KIAA1217: variants seen among roughly 807,000 people sequenced by gnomAD.
KIAA1217 encodes the protein KIAA1217.
KIAA1217 carries 88 observed loss-of-function variants against 163.9 expected under a neutral mutation model. The ratio of observed to expected loss-of-function variants is 0.54; its 90% CI spans 0.45 to 0.64. The LOEUF (loss-of-function observed/expected upper bound fraction) is 0.64, where lower values mean the gene tolerates loss of function less well. Ranked by LOEUF, KIAA1217 falls within the 30% of genes least tolerant of loss-of-function variation. The probability of loss-of-function intolerance (pLI) is 0.00; values close to 1 mark genes in which losing one functional copy is unlikely to be tolerated. For synonymous variants in KIAA1217, 903 were observed against 923.1 expected, an observed-to-expected ratio of 0.98 and a Z score of 0.39; for missense variants, 2,372 against 2,475.0, an observed-to-expected ratio of 0.96 and a Z score of 0.88.
At chr10:24,273,633 C>T (rs1306991808) in intron 2 of KIAA1217, among the ~76,000 whole-genome samples, 2 of 152,004 alleles carry the variant, frequency 1.3e-5, no homozygotes. Flanking sequence ...GGGTGGATCA[C>T]CTGAGGTCAG....
At chr10:24,432,931 C>T (rs989867824) in intron 3 of KIAA1217, 64 bp from the exon 4 acceptor site, 2 of 1,339,288 alleles carry the variant, frequency 1.5e-6, no homozygotes, top group Non-Finnish European at 2.1e-6. Flanking sequence ...AGAAGTGGCT[C>T]AGCTTGTGCT....
intron 8 of KIAA1217, among the ~76,000 whole-genome samples, chr10:24,500,242 C>G (rs2067376629): frequency 6.8e-6 from 1 of 147,272 alleles, no homozygotes; most frequent in Non-Finnish European, 1.5e-5. Flanking sequence ...ATGGATCCAG[C>G]CTCTACTCCA....
chr10:24,199,492 G>A (rs1303474211), intron 2 of KIAA1217, among the ~76,000 whole-genome samples: 1 of 152,216 alleles, frequency 6.6e-6, no homozygotes, highest in Non-Finnish European at 1.5e-5. Context: ...AACATGAGCT[G>A]TGGCGGGGAC....
At chr10:23,799,161 C>CT (rs1836350579) in intron 1 of KIAA1217, among the ~76,000 whole-genome samples, 1 of 152,086 alleles carries the variant, frequency 6.6e-6, no homozygotes, top group African/African-American at 2.4e-5. Context: ...TGTTTTCTTT[C>CT]TTTTTTACAA....
At chr10:23,834,193 C>A (rs542375795) in intron 1 of KIAA1217, among the ~76,000 whole-genome samples, 7 of 152,116 alleles carry the variant, frequency 4.6e-5, no homozygotes, top group Non-Finnish European at 1.0e-4. Flanking sequence ...TATCTGCTCA[C>A]CCCTGGGCTC....
At chr10:24,345,726 T>A (rs11014043) in intron 2 of KIAA1217, among the ~76,000 whole-genome samples, 3,294 of 152,284 alleles carry the variant, frequency 0.022, 113 homozygotes, top group East Asian at 0.15. Context: ...AGTTGGTGAT[T>A]TTTTTTGGGT....
At chr10:23,836,789 G>C (rs927075374) in intron 1 of KIAA1217, among the ~76,000 whole-genome samples, 2 of 151,906 alleles carry the variant, frequency 1.3e-5, no homozygotes, top group Admixed American at 1.3e-4. Context: ...AATTAGCCGT[G>C]TATGGTAGCA....
chr10:23,992,714 G>C (rs369817409), intron 1 of KIAA1217, among the ~76,000 whole-genome samples: 1 of 150,310 alleles, frequency 6.7e-6, no homozygotes, highest in Admixed American at 6.6e-5. Flanking sequence ...TTGACACAGG[G>C]CCCCTAACAC....
chr10:24,439,454 G>A (rs192852484), intron 5 of KIAA1217, among the ~76,000 whole-genome samples: 2 of 152,288 alleles, frequency 1.3e-5, no homozygotes, highest in African/African-American at 4.8e-5. Context: ...TCCTGAGCGA[G>A]GCTGTCTCTG....
At chr10:24,479,182 T>TTG (rs1349447439) in intron 6 of KIAA1217, among the ~76,000 whole-genome samples, 1 of 152,232 alleles carries the variant, frequency 6.6e-6, no homozygotes, top group Non-Finnish European at 1.5e-5. Flanking sequence ...ACATGGCAAC[T>TTG]GGCAGCTTGT....
At chr10:24,538,568 G>C (rs1379534218) in intron 17 of KIAA1217, among the ~76,000 whole-genome samples, 1 of 67,820 alleles carries the variant, frequency 1.5e-5, no homozygotes, top group African/African-American at 4.8e-5. Context: ...GAGGGAGGGA[G>C]GAAGGAAGGA....
intron 1 of KIAA1217, among the ~76,000 whole-genome samples, chr10:23,903,829 G>A (rs549407010): frequency 9.2e-5 from 14 of 152,148 alleles, no homozygotes; most frequent in Middle Eastern, 6.8e-3. Flanking sequence ...TCTAGCCCTG[G>A]CACTTGGGAA....
At position 23,933,387 on chromosome 10, in the gene KIAA1217, C is replaced by T. The variant is rs569796770; in HGVS notation, c.-320-73838C>T. 2.2e-4 allele frequency among the ~76,000 whole-genome samples: 33 copies of T among 152,290 alleles called. 1 individual carries two copies. In the South Asian group the frequency reaches 4.1e-3, roughly 19 times the overall value. ...CAGGACGTGCTCCTGGCTAGGTGACCAGTCACTGCTCCTAGAGCAGGGCTC... is the reference window on the plus strand; with the variant it reads ...CAGGACGTGCTCCTGGCTAGGTGACTAGTCACTGCTCCTAGAGCAGGGCTC... On this transcript the variant is annotated intron_variant, in intron 1 of 18. Transcript: ENST00000376462.
At chr10:23,977,696 T>C (rs1369395847) in intron 1 of KIAA1217, among the ~76,000 whole-genome samples, 1 of 152,240 alleles carries the variant, frequency 6.6e-6, no homozygotes, top group East Asian at 1.9e-4. Flanking sequence ...AAGATTTCAT[T>C]GCCCAGCTCT....
At chr10:23,855,353 T>C (rs1839596892) in intron 1 of KIAA1217, among the ~76,000 whole-genome samples, 2 of 152,220 alleles carry the variant, frequency 1.3e-5, no homozygotes, top group South Asian at 4.1e-4. Context: ...CCTACTCTCT[T>C]CTGGCTTGTA....
chr10:23,959,905 A>C (rs1181766091), intron 1 of KIAA1217, among the ~76,000 whole-genome samples: 3 of 147,122 alleles, frequency 2.0e-5, no homozygotes, highest in Non-Finnish European at 4.5e-5. Context: ...GGAAGGTCAT[A>C]GACTTCTTTT....
chr10:24,019,679 C>T (rs547214306), intron 2 of KIAA1217, among the ~76,000 whole-genome samples: 1 of 152,042 alleles, frequency 6.6e-6, no homozygotes, highest in African/African-American at 2.4e-5. Context: ...AGCCCGGCTA[C>T]ATTCTAAGAA....
At chr10:24,196,197 T>G (rs1406849516) in intron 2 of KIAA1217, among the ~76,000 whole-genome samples, 1 of 150,744 alleles carries the variant, frequency 6.6e-6, no homozygotes, top group African/African-American at 2.5e-5. Context: ...GGAGCATACT[T>G]ACATTAAAGG....
intron 2 of KIAA1217, among the ~76,000 whole-genome samples, chr10:24,099,562 A>G (rs1409239169): frequency 7.2e-6 from 1 of 138,726 alleles, no homozygotes; most frequent in Non-Finnish European, 1.5e-5. Flanking sequence ...TATGTGCCAC[A>G]TTTTCTTTAT....
Sources: gnomAD v4.1 joint callset for allele counts (sites outside exome capture counted in the v4.1 genomes callset) on GRCh38, gnomAD v4.1.1 for gene constraint, MANE v1.5 for transcripts, NCBI Gene and HGNC (gene_info 2026-07-23, HGNC 2026-07-21) for gene names.